The following ATRX variants were observed in gnomAD, a reference collection of about 807,000 sequenced individuals.
ATRX encodes chromatin remodeler ATRX.
A neutral mutation model predicts 172.6 loss-of-function variants in ATRX; 12 were observed. The ratio of observed to expected loss-of-function variants is 0.07; its 90% CI spans 0.04 to 0.11. The LOEUF (loss-of-function observed/expected upper bound fraction) is 0.11, where lower values mean the gene tolerates loss of function less well. Ranked by LOEUF, ATRX falls within the 10% of genes least tolerant of loss-of-function variation. The pLI, the probability that ATRX is intolerant of heterozygous loss-of-function variation, is 1.00. For synonymous variants in ATRX, 674 were observed against 594.7 expected (o/e 1.13, Z -1.94); for missense variants, 1,368 against 1,767.4 (o/e 0.77, Z 4.05).
Position 77,693,929 on chromosome X carries a change from T to C in ATRX, c.379A>G (p.Ile127Val), listed in dbSNP as rs1569540319. The change falls in exon 6 of 35, where the codon ATT becomes GTT. Residue 127 changes from isoleucine to valine, a missense_variant. By Grantham distance (29) the Ile-to-Val change is conservative. Transcript: ENST00000373344. ...TTCAGCACTGGCTCTGGCTGTACAA[T>C]CACTGTACCTAGAATGATTTCATTT... ...TMQSLPKGTVIVQPEPVLNED... is the reference protein window; with the variant it reads ...TMQSLPKGTVVVQPEPVLNED... The C allele has an allele frequency of 8.5e-7, 1 of 1,181,619 alleles. No homozygotes were observed. Among genetic ancestry groups the C allele is most frequent in the Non-Finnish European group, 1.1e-6 (1 of 870,020 alleles).
At chrX:77,773,945 G>T (rs782787935) in intron 1 of ATRX, among the ~76,000 whole-genome samples, 1 of 110,830 alleles carries the variant, frequency 9.0e-6, no homozygotes, top group African/African-American at 3.3e-5. Context: ...AGAAGAGGCC[G>T]GGCGCAGTGG....
Position 77,670,145 on chromosome X carries a change from GA to G in ATRX, c.3810-5368del, listed in dbSNP as rs201386719. On this transcript the variant is annotated intron_variant, in intron 10 of 34. Transcript: ENST00000373344. ...AGAACAGGTTTGAAGAAAATTGCTGGAAAAAAATATATTTTTAGAAGGCCAA... is the reference window on the plus strand; with the variant it reads ...AGAACAGGTTTGAAGAAAATTGCTGGAAAAAATATATTTTTAGAAGGCCAA... 7.1e-3 allele frequency among the ~76,000 whole-genome samples: 792 copies of G among 111,772 alleles called. 9 individuals carry two copies. Among genetic ancestry groups the G allele is most frequent in the African/African-American group, 0.025 (762 of 30,796 alleles).
chrX:77,592,851 AG>A (rs1199159583), intron 26 of ATRX, among the ~76,000 whole-genome samples: 2 of 110,544 alleles, frequency 1.8e-5, no homozygotes, highest in Non-Finnish European at 3.8e-5. Context: ...AGTAATTTGA[AG>A]GGGGGTGAAG....
chrX:77,755,957 C>T (rs782264901), intron 1 of ATRX, among the ~76,000 whole-genome samples: 1 of 112,511 alleles, frequency 8.9e-6, no homozygotes, highest in Non-Finnish European at 1.9e-5. Context: ...ACAGCTGCAC[C>T]TTCCCACAGG....
chrX:77,557,690 A>C lies in ATRX; in HGVS notation c.6505-45T>G, dbSNP rs782239988. ...AATATACAAAAAAATAAAATTTTGT[A>C]AGCATGAAACTTAATCAAGGATAAA... is the stretch of plus-strand genomic sequence containing the variant. On this transcript the variant is annotated intron_variant, in intron 29 of 34. Transcript: ENST00000373344. 3.7e-6 allele frequency: 4 copies of C among 1,093,021 alleles called. No individual in the cohort carries two copies. In the East Asian group the frequency reaches 1.2e-4, roughly 33 times the overall value. 90.1% of individuals were successfully genotyped at this position (1,093,021 alleles called of 1,213,427 possible). A position where few individuals can be genotyped will look rare whatever the true frequency, so the allele number is the denominator to read the frequency against.
At chrX:77,586,422 C>T (rs192325603) in intron 27 of ATRX, among the ~76,000 whole-genome samples, 1 of 111,950 alleles carries the variant, frequency 8.9e-6, no homozygotes, top group East Asian at 2.8e-4. Flanking sequence ...GAGAGCATTG[C>T]AGGCAGACAG....
At chrX:77,549,707 A>G (rs1393849544) in intron 30 of ATRX, among the ~76,000 whole-genome samples, 1 of 112,638 alleles carries the variant, frequency 8.9e-6, no homozygotes, top group African/African-American at 3.2e-5. Context: ...GATACTTGGT[A>G]GAGATGATTC....
Position 77,664,925 on chromosome X carries a change from T to C in ATRX, c.3810-147A>G, listed in dbSNP as rs1316991104. ...TGTAAATAAACAACTAGCAAAACCA[T>C]GTTTTAACCTAAGCTATAAACAAAA... On this transcript the variant is annotated intron_variant, in intron 10 of 34. Transcript: ENST00000373344. The C allele has an allele frequency of 1.2e-5, 7 of 578,556 alleles. No homozygotes were observed. The African/African-American group carries it at 1.4e-4, about 11-fold the overall frequency. 47.7% of individuals were successfully genotyped at this position (578,556 alleles called of 1,213,427 possible).
rs1385588186 is a variant in ATRX at position 77,555,519 on chromosome X, T to C, written c.6699+1932A>G. On this transcript the variant is annotated intron_variant, in intron 30 of 34. Coordinates refer to ENST00000373344, the MANE Select transcript of ATRX (RefSeq NM_000489.6). ...GGCACATACACACCAAGGAATACTA[T>C]GCAGCCATAAAAAGAATGAGTTCAA... is the stretch of plus-strand genomic sequence containing the variant. Among the ~76,000 whole-genome samples the C allele has an allele frequency of 5.5e-5, 6 of 108,450 alleles. No homozygotes were observed. In the East Asian group the frequency reaches 1.8e-3, roughly 32 times the overall value. 94.2% of individuals were successfully genotyped at this position (108,450 alleles called of 115,157 possible).
At chrX:77,733,628 GA>G (rs1557177201) in intron 1 of ATRX, among the ~76,000 whole-genome samples, 7 of 104,630 alleles carry the variant, frequency 6.7e-5, no homozygotes. Context: ...CAGAACTTTG[GA>G]AGGCTAAAGC....
chrX:77,577,860 C>CA (rs2065678684), intron 27 of ATRX, among the ~76,000 whole-genome samples: 1 of 111,557 alleles, frequency 9.0e-6, no homozygotes, highest in Non-Finnish European at 1.9e-5. Context: ...ACTATCTACA[C>CA]AAAAAAGCAC....
At chrX:77,528,138 C>T (rs1464437685) in intron 30 of ATRX, among the ~76,000 whole-genome samples, 1 of 110,023 alleles carries the variant, frequency 9.1e-6, no homozygotes, top group Non-Finnish European at 1.9e-5. Flanking sequence ...AGACAAGGAG[C>T]ACCCCCTCCT....
chrX:77,510,689 C>T (rs1221288328), intron 34 of ATRX, among the ~76,000 whole-genome samples: 2 of 111,771 alleles, frequency 1.8e-5, no homozygotes, highest in African/African-American at 6.5e-5. Context: ...CTAGTGGTCA[C>T]AGGGAGAGAC....
In ATRX at chrX:77,682,050, C is replaced by T. The variant is rs1557137990; in HGVS notation, c.3206G>A (p.Gly1069Glu). ...ELSDYAEKST[G>E]KGDSCDSSED... is the part of the protein sequence containing the mutation. ...TGAAGAGTCACAACTATCTCCTTTC[C>T]CTGTTGACTTCTCAGCATAATCAGA... is the stretch of plus-strand genomic sequence containing the variant. Residue 1069 changes from glycine (G) to glutamate (E), a missense_variant, in exon 9 of 35, where the codon GGG becomes GAG. By Grantham distance (98) the Gly-to-Glu change is moderately conservative. This residue lies in a region of ATRX where 843 missense variants were observed against 643.1 expected (regional missense o/e 1.31). Coordinates refer to ENST00000373344, the MANE Select transcript of ATRX (RefSeq NM_000489.6). 4.1e-6 allele frequency: 5 copies of T among 1,210,871 alleles called. No homozygotes were observed. In the South Asian group the frequency reaches 8.8e-5, roughly 21 times the overall value.
At chrX:77,510,685 GTCACAGGGAGA>G (rs2147667825) in intron 34 of ATRX, among the ~76,000 whole-genome samples, 1 of 112,036 alleles carries the variant, frequency 8.9e-6, no homozygotes, top group East Asian at 2.8e-4. Flanking sequence ...GGTGCTAGTG[GTCACAGGGAGA>G]GACTCCTTTG....
chrX:77,777,191 T>TAAAAAAA (rs782165810), intron 1 of ATRX, among the ~76,000 whole-genome samples: 32 of 21,035 alleles, frequency 1.5e-3, no homozygotes, highest in Admixed American at 3.4e-3. Flanking sequence ...CTGTCTCTAC[T>TAAAAAAA]AAAAAAAAAA....
At chrX:77,674,780 G>A (rs781802486) in intron 10 of ATRX, 1 of 111,276 alleles carries the variant, frequency 9.0e-6, no homozygotes, top group Non-Finnish European at 1.9e-5. Context: ...TCTTAAAAAA[G>A]AGTAAAATTT....
chrX:77,657,275 T>C (rs1557120325), intron 12 of ATRX, among the ~76,000 whole-genome samples: 3 of 111,864 alleles, frequency 2.7e-5, no homozygotes. Context: ...TCCCTATTTC[T>C]AGCCACAACA....
intron 1 of ATRX, among the ~76,000 whole-genome samples, chrX:77,727,171 C>G (rs1342523947): frequency 9.0e-6 from 1 of 111,082 alleles, no homozygotes; most frequent in African/African-American, 3.3e-5. Flanking sequence ...ATTAAGAAGT[C>G]AGGAAACAAC....
Sources: gnomAD v4.1 joint callset for allele counts (sites outside exome capture counted in the v4.1 genomes callset) on GRCh38, gnomAD v4.1.1 for gene constraint, gnomAD v4.1.1 regional missense constraint, MANE v1.5 for transcripts, NCBI Gene and HGNC (gene_info 2026-07-23, HGNC 2026-07-21) for gene names.